AFF3: variants seen among roughly 807,000 people sequenced by gnomAD.
AFF3 encodes the protein AF4/FMR2 family member 3.
A neutral mutation model predicts 129.7 loss-of-function variants in AFF3; 32 were observed. The observed-to-expected ratio is 0.25, with a 90% CI of 0.19 to 0.33. AFF3 has a LOEUF of 0.33. Among genes scored for constraint, AFF3 ranks in the 10% least tolerant of loss-of-function variants. The pLI, the probability that AFF3 is intolerant of heterozygous loss-of-function variation, is 1.00. For missense variants in AFF3, 1,373 were observed against 1,592.0 expected (o/e 0.86, Z 2.34); for synonymous variants, 644 against 635.4 (o/e 1.01, Z -0.20).
intron 8 of AFF3, among the ~76,000 whole-genome samples, chr2:99,819,857 C>G (rs1400536962): frequency 6.6e-6 from 1 of 152,196 alleles, no homozygotes; most frequent in African/African-American, 2.4e-5. Context: ...TCTCCTGACT[C>G]TCCATCTTTA....
At chr2:99,907,462 C>T (rs546762975) in intron 7 of AFF3, among the ~76,000 whole-genome samples, 4 of 152,082 alleles carry the variant, frequency 2.6e-5, no homozygotes, top group African/African-American at 7.2e-5. Flanking sequence ...AAATAACCCA[C>T]GCTTTCTTAA....
At chr2:99,662,880 C>A (rs2104342030) in intron 12 of AFF3, among the ~76,000 whole-genome samples, 1 of 152,272 alleles carries the variant, frequency 6.6e-6, no homozygotes, top group Middle Eastern at 3.4e-3. Context: ...TGAACCCTGG[C>A]CACAAATCCC....
chr2:99,919,064 C>T (rs1190693702), intron 7 of AFF3, among the ~76,000 whole-genome samples: 2 of 152,102 alleles, frequency 1.3e-5, no homozygotes. Context: ...GTTACTGTCT[C>T]ATTTTTATGA....
At chr2:99,825,843 T>C (rs1025027591) in intron 8 of AFF3, among the ~76,000 whole-genome samples, 2 of 152,198 alleles carry the variant, frequency 1.3e-5, no homozygotes, top group Admixed American at 6.5e-5. Flanking sequence ...AATTGTACAA[T>C]GTGTTCTAAT....
chr2:99,714,679 C>T (rs1001734336), intron 11 of AFF3, among the ~76,000 whole-genome samples: 11 of 152,148 alleles, frequency 7.2e-5, no homozygotes, highest in Middle Eastern at 3.2e-3. Context: ...CTCAAATCGA[C>T]CTTGATCTCT....
chr2:100,083,687 T>C (rs1239634687), intron 4 of AFF3, among the ~76,000 whole-genome samples: 1 of 152,086 alleles, frequency 6.6e-6, no homozygotes, highest in Non-Finnish European at 1.5e-5. Context: ...ATGAAAGCTG[T>C]AGGCTGTCTT....
At chr2:99,997,755 C>CT (rs1680989365) in intron 7 of AFF3, among the ~76,000 whole-genome samples, 1 of 152,116 alleles carries the variant, frequency 6.6e-6, no homozygotes, top group South Asian at 2.1e-4. Context: ...CTATCCCAGG[C>CT]GAGGAGGCAC....
chr2:99,914,079 G>A (rs558509474), intron 7 of AFF3, among the ~76,000 whole-genome samples: 5 of 152,006 alleles, frequency 3.3e-5, no homozygotes, highest in Non-Finnish European at 5.9e-5. Context: ...ATGTCTACAC[G>A]GTCTCAAAAA....
At chr2:99,648,938 C>CTCTCTCTCT (rs56856050) in intron 13 of AFF3, among the ~76,000 whole-genome samples, 7 of 146,606 alleles carry the variant, frequency 4.8e-5, no homozygotes, top group Non-Finnish European at 9.1e-5. Context: ...CTCTCTCTCT[C>CTCTCTCTCT]CAATCTTAGT....
chr2:99,891,984 G>T (rs1055836814), intron 7 of AFF3, among the ~76,000 whole-genome samples: 1 of 152,100 alleles, frequency 6.6e-6, no homozygotes, highest in African/African-American at 2.4e-5. Context: ...CACCATGCCC[G>T]GCTCATTTTT....
chr2:99,656,073 A>T (rs1685722176), intron 12 of AFF3, among the ~76,000 whole-genome samples: 1 of 152,214 alleles, frequency 6.6e-6, no homozygotes, highest in African/African-American at 2.4e-5. Context: ...CAAAGGCAGA[A>T]TTGAGTGTTG....
chr2:99,655,366 C>T (rs1685659332), intron 12 of AFF3, among the ~76,000 whole-genome samples: 1 of 151,874 alleles, frequency 6.6e-6, no homozygotes, highest in Non-Finnish European at 1.5e-5. Context: ...GGAAGGCTTA[C>T]TAAGTAAGAA....
At chr2:100,015,487 G>GC (rs1682938848) in intron 4 of AFF3, among the ~76,000 whole-genome samples, 1 of 152,200 alleles carries the variant, frequency 6.6e-6, no homozygotes, top group Non-Finnish European at 1.5e-5. Context: ...CTCCAGAGCA[G>GC]CAGCGTAAGC....
chr2:99,814,769 C>T (rs553336725), intron 8 of AFF3, among the ~76,000 whole-genome samples: 1 of 147,950 alleles, frequency 6.8e-6, no homozygotes, highest in South Asian at 2.1e-4. Flanking sequence ...AGGATTACAG[C>T]CCAAAGAAGG....
chr2:99,598,365 G>A (rs959704860), intron 14 of AFF3, among the ~76,000 whole-genome samples: 5 of 152,206 alleles, frequency 3.3e-5, no homozygotes, highest in Non-Finnish European at 7.3e-5. Flanking sequence ...AGGCTGTACA[G>A]TGCCTGGAAA....
chr2:99,593,164 G>T, intron 15 of AFF3, 31 bp downstream of exon 15: 1 of 1,527,120 alleles, frequency 6.5e-7, no homozygotes. Context: ...TCCCCTCCAC[G>T]CCCCCGCACC....
intron 14 of AFF3, among the ~76,000 whole-genome samples, chr2:99,598,543 C>T (rs1021868782): frequency 3.3e-5 from 5 of 152,226 alleles, no homozygotes; most frequent in East Asian, 3.8e-4. Context: ...ACATCTCCTA[C>T]GCAACCCAGC....
At chr2:99,951,934 AC>A (rs1676204371) in intron 7 of AFF3, among the ~76,000 whole-genome samples, 1 of 152,168 alleles carries the variant, frequency 6.6e-6, no homozygotes, top group African/African-American at 2.4e-5. Flanking sequence ...TGTCTTTGCA[AC>A]CCTGGAACTG....
At chr2:99,747,447 C>T (rs541371112) in intron 9 of AFF3, among the ~76,000 whole-genome samples, 5 of 152,210 alleles carry the variant, frequency 3.3e-5, no homozygotes, top group African/African-American at 4.8e-5. Flanking sequence ...CTCCTGCCTT[C>T]GTAGCTGGTA....
Sources: allele counts gnomAD v4.1 joint callset (sites outside exome capture counted in the v4.1 genomes callset), GRCh38; gene constraint gnomAD v4.1.1; transcripts MANE v1.5; gene names NCBI Gene and HGNC (gene_info 2026-07-23, HGNC 2026-07-21).